The following KCTD16 variants were observed in gnomAD, a reference collection of about 807,000 sequenced individuals.
KCTD16 encodes the protein BTB/POZ domain-containing protein KCTD16.
In KCTD16, 13 loss-of-function variants were observed where a neutral mutation model predicts 33.2. The ratio of observed to expected loss-of-function variants is 0.39; its 90% CI spans 0.25 to 0.62. The LOEUF (loss-of-function observed/expected upper bound fraction) is 0.62, where lower values mean the gene tolerates loss of function less well. Ranked by LOEUF, KCTD16 falls within the 20% of genes least tolerant of loss-of-function variation. The probability of loss-of-function intolerance (pLI) is 0.50; values close to 1 mark genes in which losing one functional copy is unlikely to be tolerated. For synonymous variants in KCTD16, 197 were observed against 195.3 expected (o/e 1.01, Z -0.07); for missense variants, 441 against 525.1 (o/e 0.84, Z 1.57).
chr5:144,459,926 G>C (rs557050762), intron 3 of KCTD16, among the ~76,000 whole-genome samples: 1 of 137,826 alleles, frequency 7.3e-6, no homozygotes, highest in African/African-American at 2.7e-5. Context: ...CCGCCTCCCG[G>C]GTTCACTCCA....
chr5:144,210,654 G>C (rs1238959983), intron 3 of KCTD16, among the ~76,000 whole-genome samples: 1 of 152,100 alleles, frequency 6.6e-6, no homozygotes, highest in Non-Finnish European at 1.5e-5. Context: ...GACAAGTCCT[G>C]ATTTTGAACT....
intron 3 of KCTD16, among the ~76,000 whole-genome samples, chr5:144,399,632 A>G (rs956076877): frequency 6.6e-6 from 1 of 152,228 alleles, no homozygotes; most frequent in Admixed American, 6.5e-5. Flanking sequence ...AGTCCATGAA[A>G]TACATTCATT....
chr5:144,414,148 T>A (rs1752995170), intron 3 of KCTD16, among the ~76,000 whole-genome samples: 1 of 152,226 alleles, frequency 6.6e-6, no homozygotes, highest in East Asian at 1.9e-4. Context: ...AACTTAGTTC[T>A]GCTTCCCAAT....
intron 3 of KCTD16, among the ~76,000 whole-genome samples, chr5:144,271,176 G>C (rs924373254): frequency 6.6e-6 from 1 of 151,922 alleles, no homozygotes; most frequent in African/African-American, 2.4e-5. Context: ...TATGAGGCCA[G>C]TATTACCTTA....
chr5:144,323,865 A>T (rs748815456), intron 3 of KCTD16, among the ~76,000 whole-genome samples: 13 of 152,192 alleles, frequency 8.5e-5, no homozygotes, highest in Non-Finnish European at 1.3e-4. Context: ...CTGTGTGACT[A>T]TAAACAGATC....
chr5:144,305,156 C>G (rs1438912777), intron 3 of KCTD16, among the ~76,000 whole-genome samples: 1 of 151,946 alleles, frequency 6.6e-6, no homozygotes, highest in African/African-American at 2.4e-5. Flanking sequence ...ACCTCAATCC[C>G]AAATTCCCAG....
At chr5:144,439,980 A>C (rs1418597239) in intron 3 of KCTD16, among the ~76,000 whole-genome samples, 3 of 152,048 alleles carry the variant, frequency 2.0e-5, no homozygotes, top group African/African-American at 7.2e-5. Flanking sequence ...AAAAAAGCCC[A>C]CTAACAACAG....
intron 3 of KCTD16, among the ~76,000 whole-genome samples, chr5:144,465,110 A>G (rs546185877): frequency 6.6e-6 from 1 of 151,942 alleles, no homozygotes; most frequent in Non-Finnish European, 1.5e-5. Flanking sequence ...AAATAATACA[A>G]GTAAAATGTC....
At chr5:144,198,465 C>T (rs1425631102) in intron 2 of KCTD16, among the ~76,000 whole-genome samples, 1 of 152,158 alleles carries the variant, frequency 6.6e-6, no homozygotes, top group Non-Finnish European at 1.5e-5. Flanking sequence ...CCATTTTGCT[C>T]CTTGAGCTAA....
intron 3 of KCTD16, among the ~76,000 whole-genome samples, chr5:144,390,987 T>A (rs1752436338): frequency 6.6e-6 from 1 of 152,086 alleles, no homozygotes; most frequent in Non-Finnish European, 1.5e-5. Context: ...AGGTGGTTGG[T>A]GCCTTTATGA....
chr5:144,328,516 T>A (rs868704296), intron 3 of KCTD16, among the ~76,000 whole-genome samples: 1 of 152,012 alleles, frequency 6.6e-6, no homozygotes, highest in Non-Finnish European at 1.5e-5. Context: ...TTTTTTTATT[T>A]TTTTTATTTT....
Position 144,419,738 on chromosome 5 carries a change from A to G in KCTD16, c.833-53922A>G, listed in dbSNP as rs567951738. ...CGGTAGACACTGACTACATATGGCT[A>G]TATAACACTTGAAATGCTCATGAAG... is the stretch of plus-strand genomic sequence containing the variant. On this transcript the variant is annotated intron_variant, in intron 3 of 3. Coordinates refer to ENST00000512467, the MANE Select transcript of KCTD16 (RefSeq NM_020768.4). Among the ~76,000 whole-genome samples, 325 of 152,306 alleles carry G rather than the reference A, an allele frequency of 2.1e-3. 1 individual carries two copies. The highest frequency in any genetic ancestry group is 3.6e-3 in the Non-Finnish European group (245 of 68,024).
At chr5:144,290,407 A>G (rs1755863950) in intron 3 of KCTD16, among the ~76,000 whole-genome samples, 1 of 152,374 alleles carries the variant, frequency 6.6e-6, no homozygotes, top group South Asian at 2.1e-4. Context: ...ATACTAAGAT[A>G]TATTCATTAA....
At chr5:144,199,873 C>T (rs900237910) in intron 2 of KCTD16, among the ~76,000 whole-genome samples, 1 of 151,920 alleles carries the variant, frequency 6.6e-6, no homozygotes, top group Non-Finnish European at 1.5e-5. Context: ...TACCATCACA[C>T]CCGACTAATT....
intron 3 of KCTD16, among the ~76,000 whole-genome samples, chr5:144,353,039 A>G (rs2126909365): frequency 6.6e-6 from 1 of 152,292 alleles, no homozygotes; most frequent in African/African-American, 2.4e-5. Context: ...TCTAAATAGG[A>G]ACAGACCTGA....
rs1315174462 is a variant in KCTD16 at position 144,477,623 on chromosome 5, C to A, written c.*3509C>A. On this transcript the variant is annotated 3_prime_UTR_variant, in exon 4 of 4. Coordinates refer to ENST00000512467, the MANE Select transcript of KCTD16 (RefSeq NM_020768.4). ...GGGCTTTAGATTCTTCTCTGAGGAT[C>A]CTTTGTTGGTGTCAGACAAAACATG... The A allele has an allele frequency of 2.0e-5, 3 of 152,070 alleles. No homozygotes were observed. The highest frequency in any genetic ancestry group is 7.2e-5 in the African/African-American group (3 of 41,432). The allele number at this position is 152,070 out of a possible 1,614,324, so 9.4% of individuals were successfully genotyped here.
At chr5:144,238,778 A>G (rs1391623996) in intron 3 of KCTD16, among the ~76,000 whole-genome samples, 2 of 152,192 alleles carry the variant, frequency 1.3e-5, no homozygotes, top group Non-Finnish European at 2.9e-5. Context: ...CTTTTTTGGC[A>G]CATCCTTCAG....
chr5:144,406,768 T>G (rs571305267), intron 3 of KCTD16, among the ~76,000 whole-genome samples: 7 of 152,312 alleles, frequency 4.6e-5, no homozygotes, highest in African/African-American at 1.7e-4. Context: ...GGCTGAAGAT[T>G]CAGACAGTGG....
chr5:144,260,820 GTCTC>G (rs1754987635), intron 3 of KCTD16, among the ~76,000 whole-genome samples: 1 of 151,880 alleles, frequency 6.6e-6, no homozygotes, highest in South Asian at 2.1e-4. Context: ...TTATATTTGA[GTCTC>G]TATTTATCTT....
Sources: gnomAD v4.1 joint callset for allele counts (sites outside exome capture counted in the v4.1 genomes callset) on GRCh38, gnomAD v4.1.1 for gene constraint, MANE v1.5 for transcripts, NCBI Gene and HGNC (gene_info 2026-07-23, HGNC 2026-07-21) for gene names.